The following TAFA4 variants were observed in gnomAD, a reference collection of about 807,000 sequenced individuals.
TAFA4 encodes chemokine-like protein TAFA-4.
TAFA4 carries 20 observed loss-of-function variants against 21.1 expected under a neutral mutation model. The observed-to-expected ratio is 0.95, with a 90% CI of 0.67 to 1.38. TAFA4 has a LOEUF of 1.38. TAFA4 is among the 40% of genes most tolerant of loss of function. The pLI is 0.00. For synonymous variants in TAFA4, 71 were observed against 67.4 expected (o/e 1.05, Z -0.26); for missense variants, 211 against 180.9 (o/e 1.17, Z -0.95).
chr3:68,917,794 G>C (rs1302197446), intron 1 of TAFA4, among the ~76,000 whole-genome samples: 2 of 150,572 alleles, frequency 1.3e-5, no homozygotes, highest in African/African-American at 4.9e-5. Flanking sequence ...AGGAACAATG[G>C]TATTTACCTA....
At chr3:68,763,195 G>A (rs534527727) in intron 3 of TAFA4, among the ~76,000 whole-genome samples, 3 of 152,222 alleles carry the variant, frequency 2.0e-5, no homozygotes, top group East Asian at 3.9e-4. Context: ...AAGGCCTAAA[G>A]AGAGACCTTT....
rs928909711 is a variant in TAFA4 at position 68,812,145 on chromosome 3, G to A, written c.131-59127C>T. On this transcript the variant is annotated intron_variant, in intron 3 of 5. Coordinates refer to ENST00000295569, the MANE Select transcript of TAFA4 (RefSeq NM_182522.5). ...ATGCTGAGAGATTCTGTCACCACCAGGCCTGTGCTAAAAGAGCTCCTGAAA... is the reference window on the plus strand; with the variant it reads ...ATGCTGAGAGATTCTGTCACCACCAAGCCTGTGCTAAAAGAGCTCCTGAAA... 2.0e-5 allele frequency among the ~76,000 whole-genome samples: 3 copies of A among 152,100 alleles called. No homozygotes were observed. The East Asian group carries it at 5.8e-4, about 29-fold the overall frequency.
intron 3 of TAFA4, among the ~76,000 whole-genome samples, chr3:68,784,308 T>C (rs1283412068): frequency 6.6e-6 from 1 of 152,238 alleles, no homozygotes; most frequent in African/African-American, 2.4e-5. Flanking sequence ...TTGGTCTCAC[T>C]GACTTCAAGA....
At chr3:68,760,539 C>A (rs1702740707) in intron 3 of TAFA4, among the ~76,000 whole-genome samples, 1 of 152,162 alleles carries the variant, frequency 6.6e-6, no homozygotes, top group Non-Finnish European at 1.5e-5. Flanking sequence ...CTAGAAAATA[C>A]ACCCTCAAAG....
chr3:68,780,901 A>T (rs200289821), intron 3 of TAFA4, among the ~76,000 whole-genome samples: 8 of 19,470 alleles, frequency 4.1e-4, no homozygotes, highest in Non-Finnish European at 6.9e-4. Context: ...CTAGGACATA[A>T]AAAAAAAAAA....
At chr3:68,779,841 G>A (rs1019517120) in intron 3 of TAFA4, among the ~76,000 whole-genome samples, 1 of 152,192 alleles carries the variant, frequency 6.6e-6, no homozygotes, top group East Asian at 1.9e-4. Context: ...ACCACCTAGT[G>A]GAGCTATGAG....
chr3:68,834,355 C>G (rs1014580651), intron 3 of TAFA4, among the ~76,000 whole-genome samples: 1 of 152,156 alleles, frequency 6.6e-6, no homozygotes, highest in Non-Finnish European at 1.5e-5. Context: ...AATTATACAG[C>G]TGAAATTTCA....
chr3:68,928,360 A>T (rs910883878), intron 1 of TAFA4, among the ~76,000 whole-genome samples: 1 of 152,212 alleles, frequency 6.6e-6, no homozygotes, highest in African/African-American at 2.4e-5. Context: ...GTACCAAATT[A>T]TTGGCTAGTA....
intron 4 of TAFA4, among the ~76,000 whole-genome samples, chr3:68,747,273 C>T (rs1281575627): frequency 3.9e-5 from 6 of 152,172 alleles, no homozygotes; most frequent in African/African-American, 1.4e-4. Context: ...AACACACACA[C>T]TGATACGGTT....
chr3:68,898,711 C>T (rs948839305), intron 1 of TAFA4, among the ~76,000 whole-genome samples: 2 of 152,154 alleles, frequency 1.3e-5, no homozygotes, highest in African/African-American at 4.8e-5. Flanking sequence ...CAATCAAGCA[C>T]TTTATCGCTC....
At chr3:68,926,748 TA>T (rs2090111037) in intron 1 of TAFA4, among the ~76,000 whole-genome samples, 1 of 151,758 alleles carries the variant, frequency 6.6e-6, no homozygotes, top group Non-Finnish European at 1.5e-5. Context: ...CCCGTCTCTA[TA>T]AAAATACAAA....
chr3:68,763,088 A>G (rs905703615), intron 3 of TAFA4, among the ~76,000 whole-genome samples: 12 of 152,314 alleles, frequency 7.9e-5, no homozygotes, highest in African/African-American at 2.9e-4. Flanking sequence ...CTTGAACACC[A>G]TTCATAGCTA....
intron 3 of TAFA4, among the ~76,000 whole-genome samples, chr3:68,841,183 C>T (rs1704654152): frequency 8.0e-6 from 1 of 125,696 alleles, no homozygotes; most frequent in African/African-American, 2.9e-5. Context: ...ATTAGCCGGG[C>T]GTAGTGGCGC....
At chr3:68,872,379 T>C (rs981760872) in intron 3 of TAFA4, among the ~76,000 whole-genome samples, 4 of 152,028 alleles carry the variant, frequency 2.6e-5, no homozygotes, top group African/African-American at 9.7e-5. Context: ...GAAAGTTGAT[T>C]GGTGGTTACC....
intron 3 of TAFA4, among the ~76,000 whole-genome samples, chr3:68,832,785 CT>C (rs1433691241): frequency 6.6e-6 from 1 of 152,232 alleles, no homozygotes; most frequent in African/African-American, 2.4e-5. Context: ...TATGCCCTGC[CT>C]CCAGAGGCGG....
intron 3 of TAFA4, among the ~76,000 whole-genome samples, chr3:68,779,767 C>T (rs1205041910): frequency 6.6e-6 from 1 of 152,220 alleles, no homozygotes; most frequent in Admixed American, 6.5e-5. Flanking sequence ...TGGAGAATCT[C>T]TGCTAGGACA....
Position 68,812,999 on chromosome 3 carries a change from C to T in TAFA4, c.131-59981G>A, listed in dbSNP as rs564076832. On this transcript the variant is annotated intron_variant, in intron 3 of 5. Transcript: ENST00000295569. ...TCTCTCAGACCACAGTGCAATCAAACTAGAACTCAGGATTAAGAAACTCAC... is the reference window on the plus strand; with the variant it reads ...TCTCTCAGACCACAGTGCAATCAAATTAGAACTCAGGATTAAGAAACTCAC... Among the ~76,000 whole-genome samples, 19 of 152,216 alleles carry T rather than the reference C, an allele frequency of 1.2e-4. No individual in the cohort carries two copies. In the East Asian group the frequency reaches 3.1e-3, roughly 25 times the overall value.
intron 3 of TAFA4, among the ~76,000 whole-genome samples, chr3:68,870,917 T>C (rs1178317494): frequency 6.6e-6 from 1 of 152,198 alleles, no homozygotes; most frequent in Non-Finnish European, 1.5e-5. Context: ...CATGAACTCA[T>C]TCTTTTTTAT....
chr3:68,891,235 T>C (rs769565090), intron 1 of TAFA4, among the ~76,000 whole-genome samples: 2 of 152,232 alleles, frequency 1.3e-5, no homozygotes, highest in Non-Finnish European at 2.9e-5. Context: ...GATTTTTGTC[T>C]GTGCATCCAC....
Sources: allele counts gnomAD v4.1 joint callset (sites outside exome capture counted in the v4.1 genomes callset), GRCh38; gene constraint gnomAD v4.1.1; transcripts MANE v1.5; gene names NCBI Gene and HGNC (gene_info 2026-07-23, HGNC 2026-07-21).